Variants in PLCH1 observed in about 807,000 individuals in gnomAD.
The protein encoded by PLCH1 is phospholipase C eta 1.
A neutral mutation model predicts 126.7 loss-of-function variants in PLCH1; 60 were observed. That is an observed-to-expected ratio of 0.47 (90% CI 0.38 to 0.59). PLCH1 has a LOEUF of 0.59. Among genes scored for constraint, PLCH1 ranks in the 20% least tolerant of loss-of-function variants. The probability of loss-of-function intolerance (pLI) is 0.00; values close to 1 mark genes in which losing one functional copy is unlikely to be tolerated. For synonymous variants in PLCH1, 719 were observed against 734.9 expected (o/e 0.98, Z 0.35); for missense variants, 1,723 against 2,040.0 (o/e 0.84, Z 2.99).
At chr3:155,714,953 G>T (rs1330262874) in intron 1 of PLCH1, among the ~76,000 whole-genome samples, 3 of 152,220 alleles carry the variant, frequency 2.0e-5, no homozygotes, top group Admixed American at 6.5e-5. Context: ...AGTAAAACCA[G>T]TTGAGCCTGA....
intron 20 of PLCH1, 78 bp from the exon 21 acceptor site, chr3:155,488,185 A>G (rs1715572708): frequency 2.4e-6 from 2 of 823,838 alleles, no homozygotes; most frequent in Non-Finnish European, 4.1e-6. Flanking sequence ...AAAATTAAGT[A>G]TCTGACTTGA....
chr3:155,598,003 G>A (rs1473043207), intron 2 of PLCH1, among the ~76,000 whole-genome samples: 2 of 152,020 alleles, frequency 1.3e-5, no homozygotes, highest in Admixed American at 6.5e-5. Flanking sequence ...GGCCAACATG[G>A]TGAAACCCCA....
intron 21 of PLCH1, among the ~76,000 whole-genome samples, chr3:155,487,688 T>C (rs748945655): frequency 8.5e-5 from 13 of 152,218 alleles, no homozygotes; most frequent in Non-Finnish European, 1.6e-4. Flanking sequence ...CTGAGGCCAG[T>C]TGAGTCTTTT....
chr3:155,481,889 A>C lies in PLCH1; in HGVS notation c.4137T>G (p.Pro1379=). The change falls in exon 23 of 23, where the codon CCT becomes CCG. Residue 1379 remains proline, a synonymous_variant. Coordinates refer to ENST00000460012, the MANE Select transcript of PLCH1 (RefSeq NM_014996.4). The surrounding 1 kb of genome is among the most constrained non-coding windows in gnomAD (Gnocchi z 4.2). The part of the protein sequence containing the change: ...RREGTSQLAS[P]LKLKYNQGVV... Reference sequence around the variant, plus strand: ...CACCCTGATTGTACTTGAGTTTTAAAGGAGAAGCAAGTTGACTTGTGCCCT... The same window carrying C: ...CACCCTGATTGTACTTGAGTTTTAACGGAGAAGCAAGTTGACTTGTGCCCT... 1 of 1,614,202 alleles carries C rather than the reference A, an allele frequency of 6.2e-7. No individual in the cohort carries two copies. Among genetic ancestry groups the C allele is most frequent in the Non-Finnish European group, 8.5e-7 (1 of 1,180,030 alleles).
At chr3:155,680,458 G>T (rs774013459) in intron 2 of PLCH1, among the ~76,000 whole-genome samples, 1 of 152,144 alleles carries the variant, frequency 6.6e-6, no homozygotes, top group South Asian at 2.1e-4. Flanking sequence ...AAAATGGAAA[G>T]TAGGGGAAAA....
chr3:155,691,095 T>G (rs1302933760), intron 2 of PLCH1, among the ~76,000 whole-genome samples: 1 of 152,148 alleles, frequency 6.6e-6, no homozygotes, highest in Non-Finnish European at 1.5e-5. Context: ...TCAGCAGCTT[T>G]AAAAGAAACA....
chr3:155,589,728 G>C (rs1050073756), intron 4 of PLCH1, among the ~76,000 whole-genome samples: 12 of 152,096 alleles, frequency 7.9e-5, no homozygotes, highest in Admixed American at 2.0e-4. Flanking sequence ...TGAGTATTCA[G>C]ACTTTCATTT....
At chr3:155,717,851 GTGTT>G (rs1293528551) in intron 1 of PLCH1, among the ~76,000 whole-genome samples, 2 of 152,188 alleles carry the variant, frequency 1.3e-5, no homozygotes, top group African/African-American at 4.8e-5. Flanking sequence ...CTCCGGCAAG[GTGTT>G]GCTCCCCAAC....
At chr3:155,626,663 G>A (rs1024708436) in intron 2 of PLCH1, among the ~76,000 whole-genome samples, 4 of 151,618 alleles carry the variant, frequency 2.6e-5, no homozygotes, top group Non-Finnish European at 5.9e-5. Context: ...CAGCTACTCA[G>A]GAGGCTGAAG....
At chr3:155,566,002 A>G (rs1043221021) in intron 7 of PLCH1, among the ~76,000 whole-genome samples, 6 of 150,360 alleles carry the variant, frequency 4.0e-5, no homozygotes, top group Non-Finnish European at 8.9e-5. Context: ...CCGGCCAGGT[A>G]TTTCCTAATG....
Position 155,494,474 on chromosome 3 carries a change from A to T in PLCH1, c.1938T>A (p.His646Gln), listed in dbSNP as rs1716712141. 4.3e-6 allele frequency: 7 copies of T among 1,613,986 alleles called. No homozygotes were observed. The highest frequency in any genetic ancestry group is 5.1e-6 in the Non-Finnish European group (6 of 1,179,974). Residue 646 changes from histidine to glutamine, a missense_variant, in exon 16 of 23, where the codon CAT becomes CAA. Physicochemically the swap from His to Gln is conservative, Grantham distance 24. Coordinates refer to ENST00000460012, the MANE Select transcript of PLCH1 (RefSeq NM_014996.4). ...NVLSFSETRA[H>Q]QVVQQKSEQF... The stretch of plus-strand genomic sequence containing the variant: ...GCTCTGATTTTTGCTGAACAACCTG[A>T]TGTGCTCTTGTTTCACTGAATGATA...
chr3:155,638,805 A>C (rs948575937), intron 2 of PLCH1, among the ~76,000 whole-genome samples: 40 of 152,230 alleles, frequency 2.6e-4, no homozygotes, highest in Non-Finnish European at 1.5e-5. Flanking sequence ...GTTACTCCTA[A>C]CTAGAATGAG....
At chr3:155,451,960 C>A (rs1712317661) in intron 21 of PLCH1, among the ~76,000 whole-genome samples, 1 of 152,110 alleles carries the variant, frequency 6.6e-6, no homozygotes. Flanking sequence ...TCCCCATAAT[C>A]ACATCAGCCC....
intron 21 of PLCH1, among the ~76,000 whole-genome samples, chr3:155,469,261 T>G (rs11714606): frequency 0.29 from 44,633 of 151,948 alleles, 7,498 homozygotes; most frequent in African/African-American, 0.45. Flanking sequence ...TTGCCTCACT[T>G]GGGAAGCGCA....
At chr3:155,654,020 G>T (rs1218009967) in intron 2 of PLCH1, among the ~76,000 whole-genome samples, 1 of 148,964 alleles carries the variant, frequency 6.7e-6, no homozygotes, top group Non-Finnish European at 1.5e-5. Context: ...CCAGGCTTTT[G>T]TCTCCACCTC....
At chr3:155,645,466 T>G (rs931148362) in intron 2 of PLCH1, among the ~76,000 whole-genome samples, 6 of 152,090 alleles carry the variant, frequency 3.9e-5, no homozygotes, top group African/African-American at 1.4e-4. Context: ...AGGAAGGAGT[T>G]ATTTGTTGTT....
At chr3:155,673,048 C>CTTTTTTTTTTTT (rs66672315) in intron 2 of PLCH1, among the ~76,000 whole-genome samples, 2 of 68,240 alleles carry the variant, frequency 2.9e-5, no homozygotes, top group Non-Finnish European at 5.1e-5. Context: ...CTTCTGTTGC[C>CTTTTTTTTTTTT]TTTTTTTTTT....
rs1199619798 is a variant in PLCH1, at chr3:155,566,273, A to G, written c.866-1155T>C. On this transcript the variant is annotated intron_variant, in intron 7 of 22. Transcript: ENST00000460012. ...TACGTATATATACACATATATATAC[A>G]TATATACATATATATACGTATATAT... is the stretch of plus-strand genomic sequence containing the variant. Among the ~76,000 whole-genome samples the G allele has an allele frequency of 4.1e-4, 12 of 29,064 alleles. 2 individuals carry two copies. The highest frequency in any genetic ancestry group is 1.3e-3 in the East Asian group (1 of 776). 19.1% of individuals were successfully genotyped at this position (29,064 alleles called of 152,430 possible).
chr3:155,725,338 T>G (rs113933877), intron 1 of PLCH1, among the ~76,000 whole-genome samples: 3,169 of 152,312 alleles, frequency 0.021, 119 homozygotes, highest in African/African-American at 0.072. Context: ...TTTTTGCAAT[T>G]TAAAGCCTAT....
Sources: gnomAD v4.1 joint callset for allele counts (sites outside exome capture counted in the v4.1 genomes callset) on GRCh38, gnomAD v4.1.1 for gene constraint, Gnocchi (gnomAD v3.1) non-coding constraint, MANE v1.5 for transcripts, NCBI Gene and HGNC (gene_info 2026-07-23, HGNC 2026-07-21) for gene names.